Variants in PCDH9 observed in about 807,000 individuals in gnomAD.
PCDH9 encodes the protein protocadherin 9.
A neutral mutation model predicts 70.6 loss-of-function variants in PCDH9; 24 were observed. The ratio of observed to expected loss-of-function variants is 0.34; its 90% CI spans 0.25 to 0.48. The LOEUF (loss-of-function observed/expected upper bound fraction) is 0.48. Among genes scored for constraint, PCDH9 ranks in the 20% least tolerant of loss-of-function variants. The probability of loss-of-function intolerance (pLI) is 0.99; values close to 1 mark genes in which losing one functional copy is unlikely to be tolerated. For missense variants in PCDH9, 1,281 were observed against 1,503.6 expected (o/e 0.85, Z 2.45); for synonymous variants, 562 against 558.5 (o/e 1.01, Z -0.09).
chr13:66,907,455 A>C (rs1331728239), intron 2 of PCDH9, among the ~76,000 whole-genome samples: 1 of 152,204 alleles, frequency 6.6e-6, no homozygotes, highest in East Asian at 1.9e-4. Context: ...GCTATTTTTC[A>C]TCACCTATGA....
At chr13:67,156,060 T>C (rs1451166258) in intron 2 of PCDH9, among the ~76,000 whole-genome samples, 2 of 151,860 alleles carry the variant, frequency 1.3e-5, no homozygotes. Context: ...AAGACCATGG[T>C]CCCTTTAAAT....
At chr13:66,801,651 G>A (rs578049385) in intron 3 of PCDH9, among the ~76,000 whole-genome samples, 315 of 152,166 alleles carry the variant, frequency 2.1e-3, no homozygotes, top group Non-Finnish European at 4.1e-3. Context: ...AAACTAATAT[G>A]TGAATTCAAG....
At chr13:66,600,565 C>G (rs1324996300) in intron 4 of PCDH9, among the ~76,000 whole-genome samples, 9 of 151,746 alleles carry the variant, frequency 5.9e-5, no homozygotes, top group Admixed American at 2.0e-4. Context: ...TGCCTCATAC[C>G]AGCACTTAGG....
At chr13:67,187,710 A>G (rs2138504780) in intron 2 of PCDH9, among the ~76,000 whole-genome samples, 1 of 152,180 alleles carries the variant, frequency 6.6e-6, no homozygotes, top group Non-Finnish European at 1.5e-5. Context: ...ATAGAGATTT[A>G]GAGATTTTAA....
chr13:66,824,314 T>C (rs1389275276), intron 3 of PCDH9, among the ~76,000 whole-genome samples: 3 of 2,946 alleles, frequency 1.0e-3, no homozygotes, highest in Non-Finnish European at 2.0e-3. Flanking sequence ...TATATATATA[T>C]ATATATATAT....
chr13:66,636,943 C>T (rs2077646091), intron 3 of PCDH9, among the ~76,000 whole-genome samples: 2 of 151,998 alleles, frequency 1.3e-5, no homozygotes, highest in South Asian at 4.1e-4. Context: ...CTCAAAGTAG[C>T]AAAGGAAATC....
In PCDH9 at chr13:66,932,681, T is replaced by TATATATATATAC. The variant is rs1313632174; in HGVS notation, c.3037-29077_3037-29076insGTATATATATAT. 5.0e-3 allele frequency among the ~76,000 whole-genome samples: 570 copies of TATATATATATAC among 114,764 alleles called. 5 individuals carry two copies. The highest frequency in any genetic ancestry group is 5.6e-3 in the African/African-American group (163 of 29,234). 75.3% of individuals were successfully genotyped at this position (114,764 alleles called of 152,430 possible). ...TCACATATATATATATATATATATATACACACACACACACGTATGTATATA... is the reference window on the plus strand; with the variant it reads ...TCACATATATATATATATATATATATATATATATATACACACACACACACACGTATGTATATA... On this transcript the variant is annotated intron_variant, in intron 2 of 4. Transcript: ENST00000377865.
intron 4 of PCDH9, among the ~76,000 whole-genome samples, chr13:66,443,770 A>G (rs1365362123): frequency 6.6e-6 from 1 of 152,162 alleles, no homozygotes; most frequent in Non-Finnish European, 1.5e-5. Context: ...AGTAATTTGA[A>G]AAATCCTTAA....
At chr13:67,061,391 C>G (rs1294137932) in intron 2 of PCDH9, among the ~76,000 whole-genome samples, 1 of 151,886 alleles carries the variant, frequency 6.6e-6, no homozygotes, top group Non-Finnish European at 1.5e-5. Flanking sequence ...GTTTGTCTGT[C>G]TCTCTCCCTC....
chr13:66,900,916 G>C (rs914600880), intron 3 of PCDH9, among the ~76,000 whole-genome samples: 24 of 151,774 alleles, frequency 1.6e-4, no homozygotes, highest in African/African-American at 5.8e-4. Flanking sequence ...ACCAGGCTCA[G>C]TACAGAATTA....
chr13:66,711,662 A>G (rs2078795985), intron 3 of PCDH9, among the ~76,000 whole-genome samples: 1 of 152,180 alleles, frequency 6.6e-6, no homozygotes, highest in South Asian at 2.1e-4. Context: ...GAAATAATGA[A>G]AATTAGAGTT....
intron 2 of PCDH9, among the ~76,000 whole-genome samples, chr13:66,915,709 C>T (rs2082545627): frequency 6.6e-6 from 1 of 151,630 alleles, no homozygotes; most frequent in Non-Finnish European, 1.5e-5. Context: ...AAGAAAGCAG[C>T]AGCATAAGGT....
chr13:66,653,703 C>T (rs571589051), intron 3 of PCDH9, among the ~76,000 whole-genome samples: 1 of 152,162 alleles, frequency 6.6e-6, no homozygotes, highest in East Asian at 1.9e-4. Context: ...CACGGTGGCT[C>T]ATGCCTATAA....
chr13:66,750,649 T>G (rs1594006368), intron 3 of PCDH9, among the ~76,000 whole-genome samples: 1 of 151,816 alleles, frequency 6.6e-6, no homozygotes, highest in African/African-American at 2.4e-5. Flanking sequence ...ATTTAACTAA[T>G]GTAACAAAAT....
chr13:66,897,636 A>G (rs925233647), intron 3 of PCDH9, among the ~76,000 whole-genome samples: 1 of 152,128 alleles, frequency 6.6e-6, no homozygotes, highest in Non-Finnish European at 1.5e-5. Context: ...AGAAAATTGT[A>G]TTATACATAG....
At chr13:67,102,121 T>C (rs905801419) in intron 2 of PCDH9, among the ~76,000 whole-genome samples, 2 of 152,130 alleles carry the variant, frequency 1.3e-5, no homozygotes, top group African/African-American at 4.8e-5. Context: ...ATCAGAAAAT[T>C]GCAAGTCCTT....
chr13:67,110,768 T>G (rs549474941), intron 2 of PCDH9, among the ~76,000 whole-genome samples: 1 of 152,220 alleles, frequency 6.6e-6, no homozygotes, highest in Non-Finnish European at 1.5e-5. Flanking sequence ...GAGCCTTGAT[T>G]TACATATGTC....
chr13:66,470,875 A>C (rs550274308), intron 4 of PCDH9, among the ~76,000 whole-genome samples: 1 of 151,598 alleles, frequency 6.6e-6, no homozygotes, highest in African/African-American at 2.4e-5. Context: ...GTTCTGAAAT[A>C]GGGGCATATA....
At chr13:66,552,607 G>A (rs1174264040) in intron 4 of PCDH9, among the ~76,000 whole-genome samples, 2 of 152,084 alleles carry the variant, frequency 1.3e-5, no homozygotes, top group Non-Finnish European at 2.9e-5. Context: ...AACTTACACT[G>A]AGAACCTACC....
Sources: allele counts gnomAD v4.1 joint callset (sites outside exome capture counted in the v4.1 genomes callset), GRCh38; gene constraint gnomAD v4.1.1; transcripts MANE v1.5; gene names NCBI Gene and HGNC (gene_info 2026-07-23, HGNC 2026-07-21).